The following SP140 variants were observed in gnomAD, a reference collection of about 807,000 sequenced individuals.
SP140 encodes the protein nuclear body protein SP140.
In SP140, 81 loss-of-function variants were observed where a neutral mutation model predicts 125.0. That is an observed-to-expected ratio of 0.65 (90% CI 0.54 to 0.78). SP140 has a LOEUF of 0.78. Ranked by LOEUF, SP140 falls within the 30% of genes least tolerant of loss-of-function variation. The pLI is 0.00. For synonymous variants in SP140, 312 were observed against 354.0 expected, an observed-to-expected ratio of 0.88 and a Z score of 1.33; for missense variants, 858 against 1,037.0, an observed-to-expected ratio of 0.83 and a Z score of 2.37.
chr2:230,310,038 A>G lies in SP140; in HGVS notation c.2173A>G (p.Arg725Gly), dbSNP rs769511370. ...TCACATCCCGCCTGTGGAAGCTGAGAGGTAAGTGACATGCAGGCGTCTCTC... is the reference window on the plus strand; with the variant it reads ...TCACATCCCGCCTGTGGAAGCTGAGGGGTAAGTGACATGCAGGCGTCTCTC... ...DCHIPPVEAE[R>G]TPWNCIFCRM... is the part of the protein sequence containing the mutation. Residue 725 changes from arginine to glycine, a missense_variant and splice_region_variant, in exon 23 of 27, where the codon AGG (arginine) becomes GGG (glycine). Arg to Gly is a moderately radical substitution (Grantham distance 125). Coordinates refer to ENST00000392045, the MANE Select transcript of SP140 (RefSeq NM_007237.5). 3 of 1,614,032 alleles carry G rather than the reference A, an allele frequency of 1.9e-6. No homozygotes were observed. Among genetic ancestry groups the G allele is most frequent in the Admixed American group, 3.3e-5 (2 of 60,018 alleles).
chr2:230,262,651 T>A (rs552451129), intron 12 of SP140, among the ~76,000 whole-genome samples: 62 of 152,270 alleles, frequency 4.1e-4, no homozygotes, highest in Non-Finnish European at 7.6e-4. Context: ...GTCATTCAGT[T>A]TGAAGAATTA....
chr2:230,244,085 TTTG>T (rs1258153270), intron 5 of SP140, among the ~76,000 whole-genome samples: 1 of 152,204 alleles, frequency 6.6e-6, no homozygotes. Flanking sequence ...ACGATTATTG[TTTG>T]TTACTATTAT....
intron 3 of SP140, among the ~76,000 whole-genome samples, chr2:230,217,602 G>T (rs1442739319): frequency 1.3e-5 from 2 of 152,188 alleles, no homozygotes; most frequent in African/African-American, 4.8e-5. Context: ...CTTGCGAGGT[G>T]GTTCCTATGA....
At chr2:230,241,314 G>T (rs1480140150) in intron 3 of SP140, 90 bp from the exon 4 acceptor site, 1 of 805,382 alleles carries the variant, frequency 1.2e-6, no homozygotes, top group Non-Finnish European at 2.2e-6. Flanking sequence ...GGAGATCCTG[G>T]GGCTTGGACA....
chr2:230,315,176 C>A (rs1444204371), downstream of SP140, among the ~76,000 whole-genome samples: 3 of 152,188 alleles, frequency 2.0e-5, no homozygotes, highest in African/African-American at 7.2e-5. Context: ...AGTCTAGACC[C>A]CTTGCCCAGC....
At chr2:230,187,216 C>G in the SP140 span, among the ~76,000 whole-genome samples, 2 of 152,132 alleles carry the variant, frequency 1.3e-5, no homozygotes, top group Admixed American at 1.3e-4. Flanking sequence ...AAGGTGGTAT[C>G]TCATTGTGGT....
chr2:230,190,665 T>C, the SP140 span, among the ~76,000 whole-genome samples: 623 of 66,570 alleles, frequency 9.4e-3, 8 homozygotes, highest in Middle Eastern at 0.045. Flanking sequence ...GCTTCAGTTT[T>C]CTTCTAGGGT....
At chr2:230,205,720 G>A (rs2043708073) in intron 1 of SP140, among the ~76,000 whole-genome samples, 1 of 152,228 alleles carries the variant, frequency 6.6e-6, no homozygotes, top group African/African-American at 2.4e-5. Flanking sequence ...AGAAGGTGAA[G>A]TTAATTTCAG....
upstream of SP140, among the ~76,000 whole-genome samples, chr2:230,198,797 C>T (rs2042993487): frequency 6.6e-6 from 1 of 152,062 alleles, no homozygotes; most frequent in Admixed American, 6.6e-5. Flanking sequence ...GGGGTTTCAC[C>T]ATGTTGGCCA....
rs569184537 is a variant in SP140, at chr2:230,240,041, C to T, written c.407-1363C>T. ...ACAGGTACCTGAGGCTCACGACTGC[C>T]CACTGCCTCAGACTATGAGTAGAAA... On this transcript the variant is annotated intron_variant, in intron 3 of 26. Coordinates refer to ENST00000392045, the MANE Select transcript of SP140 (RefSeq NM_007237.5). Among the ~76,000 whole-genome samples, 3 of 152,128 alleles carry T rather than the reference C, an allele frequency of 2.0e-5. No homozygotes were observed. In the South Asian group the frequency reaches 6.2e-4, roughly 32 times the overall value.
At chr2:230,316,443 G>C (rs937556628), downstream of SP140, among the ~76,000 whole-genome samples, 6 of 152,188 alleles carry the variant, frequency 3.9e-5, no homozygotes, top group African/African-American at 1.4e-4. Flanking sequence ...TAACGTGTGT[G>C]TGTTTGGGAG....
chr2:230,255,634 A>G, intron 12 of SP140, 102 bp downstream of exon 12: 1 of 986,086 alleles, frequency 1.0e-6, no homozygotes, highest in Non-Finnish European at 1.6e-6. Context: ...CATATACCTC[A>G]CAGTGAAAGG....
At chr2:230,291,717 C>A (rs1345545090) in intron 19 of SP140, among the ~76,000 whole-genome samples, 8 of 152,170 alleles carry the variant, frequency 5.3e-5, no homozygotes. Flanking sequence ...CTGTTCTGAA[C>A]ATTTGTGTAA....
At chr2:230,251,908 G>A (rs2050429833) in intron 10 of SP140, among the ~76,000 whole-genome samples, 1 of 152,196 alleles carries the variant, frequency 6.6e-6, no homozygotes, top group East Asian at 1.9e-4. Context: ...TAAGACCCAA[G>A]AAGGAGGGAA....
intron 3 of SP140, chr2:230,215,123 A>C: frequency 6.2e-7 from 1 of 1,611,156 alleles, no homozygotes; most frequent in South Asian, 1.1e-5. Flanking sequence ...AGATTCCTAT[A>C]AAAATGGAGT....
intron 19 of SP140, 76 bp from the exon 20 acceptor site, chr2:230,292,570 T>G: frequency 6.3e-7 from 1 of 1,585,890 alleles, no homozygotes; most frequent in East Asian, 2.2e-5. Context: ...TGGCTCTAGA[T>G]CCAGTGTGGT....
intron 22 of SP140, among the ~76,000 whole-genome samples, chr2:230,297,990 C>T (rs1047189001): frequency 1.3e-5 from 2 of 152,164 alleles, no homozygotes; most frequent in African/African-American, 4.8e-5. Context: ...GGAGTACATA[C>T]AAGGCAAGGG....
the SP140 span, among the ~76,000 whole-genome samples, chr2:230,189,771 C>T: frequency 3.2e-4 from 49 of 152,290 alleles, no homozygotes; most frequent in Middle Eastern, 6.8e-3. Context: ...TCAACTCCCA[C>T]TTATGAGTGA....
At chr2:230,213,430 G>T (rs2044721358) in intron 1 of SP140, among the ~76,000 whole-genome samples, 1 of 152,086 alleles carries the variant, frequency 6.6e-6, no homozygotes, top group African/African-American at 2.4e-5. Flanking sequence ...GCAAATAAGA[G>T]AAAATAAAAA....
Sources: allele counts gnomAD v4.1 joint callset (sites outside exome capture counted in the v4.1 genomes callset), GRCh38; gene constraint gnomAD v4.1.1; transcripts MANE v1.5; gene names NCBI Gene and HGNC (gene_info 2026-07-23, HGNC 2026-07-21).